The following CEACAM20 variants were observed in gnomAD, a reference collection of about 807,000 sequenced individuals.
The protein encoded by CEACAM20 is cell adhesion molecule CEACAM20.
CEACAM20 carries 50 observed loss-of-function variants against 61.2 expected under a neutral mutation model. The observed-to-expected ratio is 0.82, with a 90% CI of 0.65 to 1.03. The LOEUF is 1.03. CEACAM20 is among the 50% of genes least tolerant of loss of function. The pLI is 0.00. For synonymous variants in CEACAM20, 282 were observed against 287.7 expected (o/e 0.98, Z 0.20); for missense variants, 683 against 736.4 (o/e 0.93, Z 0.84).
At chr19:44,507,316 A>C (rs2123539421) in intron 11 of CEACAM20, among the ~76,000 whole-genome samples, 1 of 152,340 alleles carries the variant, frequency 6.6e-6, no homozygotes, top group African/African-American at 2.4e-5. Context: ...TAGGTGGCTA[A>C]GTTTTTACCA....
intron 5 of CEACAM20, among the ~76,000 whole-genome samples, chr19:44,518,235 A>AGAGG (rs1491371525): frequency 3.8e-5 from 2 of 52,648 alleles, no homozygotes; most frequent in South Asian, 6.6e-4. Flanking sequence ...AGAGAGAGAG[A>AGAGG]AAGGAAGGAA....
intron 11 of CEACAM20, among the ~76,000 whole-genome samples, chr19:44,509,934 C>A (rs139585939): frequency 6.6e-6 from 1 of 151,172 alleles, no homozygotes; most frequent in Non-Finnish European, 1.5e-5. Context: ...GGAAATAGAA[C>A]GGATGAAATG....
chr19:44,525,123 G>A lies in CEACAM20; in HGVS notation c.174C>T (p.Pro58=). ...TACCTCTGGATCTGCCATGAATCTGGGGTGTCCTGGGGGTCCCAAACACAG... is the reference window on the plus strand; with the variant it reads ...TACCTCTGGATCTGCCATGAATCTGAGGTGTCCTGGGGGTCCCAAACACAG... ...VLPVFGTPRT[P]QIHGRSRELA... is the part of the protein sequence containing the mutation. Residue 58 remains proline, a synonymous_variant, in exon 2 of 12, where the codon CCC becomes CCT. Transcript: ENST00000614924. 2 of 1,610,606 alleles carry A rather than the reference G, an allele frequency of 1.2e-6. No homozygotes were observed.
intron 4 of CEACAM20, among the ~76,000 whole-genome samples, chr19:44,522,109 ATTT>A (rs796257978): frequency 7.0e-6 from 1 of 142,206 alleles, no homozygotes; most frequent in African/African-American, 2.6e-5. Context: ...GGCTCTTAAG[ATTT>A]TTTTTTTTTT....
chr19:44,519,051 GGCCATC>G (rs756017418), intron 5 of CEACAM20, among the ~76,000 whole-genome samples: 4 of 151,960 alleles, frequency 2.6e-5, no homozygotes, highest in Non-Finnish European at 4.4e-5. Context: ...CTTGCCTCAA[GGCCATC>G]GCACACTCTC....
Position 44,524,131 on chromosome 19 carries a change from C to T in CEACAM20, c.327G>A (p.Val109=). ...TGGACAGCTGCATGCGCTCATGGAA[C>T]ACAATGGAGAGGTTGTTGGAAACCC... ...IHWVSNNLSI[V]FHERMQLSKD... is the part of the protein sequence containing the mutation. Residue 109 remains valine (V), a synonymous_variant, in exon 3 of 12, where the codon GTG becomes GTA. Transcript: ENST00000614924. 6.2e-7 allele frequency: 1 copy of T among 1,612,814 alleles called. No homozygotes were observed. The highest frequency in any genetic ancestry group is 8.5e-7 in the Non-Finnish European group (1 of 1,179,416).
At chr19:44,523,959 G>T (rs1971445703) in intron 3 of CEACAM20, 27 bp downstream of exon 3, 2 of 1,537,514 alleles carry the variant, frequency 1.3e-6, no homozygotes, top group African/African-American at 2.7e-5. Flanking sequence ...GTCAGTGAGG[G>T]GTTGGAGAGA....
In CEACAM20 at chr19:44,516,976, G is replaced by A. The variant is rs61734161; in HGVS notation, c.1279C>T (p.Arg427Cys). 2.5e-4 allele frequency: 398 copies of A among 1,599,348 alleles called. 1 individual carries two copies. In the African/African-American group the frequency reaches 4.1e-3, roughly 16 times the overall value. ...ACCTTGACCAGGACTGAAGTGGAGC[G>A]GGCCAGGCCAGTGAGAGAGTTGGAG... ...TASNSLTGLA[R>C]STSVLVKVVG... The change falls in exon 6 of 12, where the codon CGC (arginine) becomes TGC (cysteine). Residue 427 changes from arginine (R) to cysteine (C), a missense_variant. By Grantham distance (180) the Arg-to-Cys change is radical (BLOSUM62 -3). Coordinates refer to ENST00000614924, the MANE Select transcript of CEACAM20 (RefSeq NM_001102597.3).
At position 44,517,131 on chromosome 19, in the gene CEACAM20, C is replaced by T; in HGVS notation, c.1124G>A (p.Cys375Tyr). The T allele has an allele frequency of 6.2e-7, 1 of 1,613,710 alleles. No homozygotes were observed. Among genetic ancestry groups the T allele is most frequent in the South Asian group, 1.1e-5 (1 of 91,022 alleles). Residue 375 changes from cysteine (C) to tyrosine (Y), a missense_variant, in exon 6 of 12, where the codon TGT becomes TAT. Transcript: ENST00000614924. ...AGCACCTGGCTTGGACTCGGCCCAA[C>T]ACTGCAGGGTCAGGCTGGAGTTGAG... ...AELNSSLTLQ[C>Y]WAESKPGAEY...
intron 5 of CEACAM20, 134 bp from the exon 6 acceptor site, chr19:44,517,358 A>G: frequency 8.7e-7 from 1 of 1,143,120 alleles, no homozygotes; most frequent in Non-Finnish European, 1.2e-6. Context: ...GCTCTCTGAC[A>G]AGCAGAGTGT....
rs777491722 is a variant in CEACAM20, at chr19:44,517,168, T to C, written c.1087A>G (p.Ile363Val). The change falls in exon 6 of 12, where the codon ATA becomes GTA. Residue 363 changes from isoleucine (I) to valine (V), a missense_variant. Physicochemically the swap from Ile to Val is conservative, Grantham distance 29 (BLOSUM62 3). Coordinates refer to ENST00000614924, the MANE Select transcript of CEACAM20 (RefSeq NM_001102597.3). ...AGGCTGGAGTTGAGCTCTGCCTCTATGGTGCTGATCATCTCAGATGCCGAC... is the reference window on the plus strand; with the variant it reads ...AGGCTGGAGTTGAGCTCTGCCTCTACGGTGCTGATCATCTCAGATGCCGAC... ...RESASEMIST[I>V]EAELNSSLTL... 1.9e-6 allele frequency: 3 copies of C among 1,612,902 alleles called. No homozygotes were observed. Among genetic ancestry groups the C allele is most frequent in the Non-Finnish European group, 2.5e-6 (3 of 1,179,872 alleles).
intron 5 of CEACAM20, 28 bp from the exon 6 acceptor site, chr19:44,517,252 C>A: frequency 6.3e-7 from 1 of 1,592,270 alleles, no homozygotes. Context: ...CGTGATGCAC[C>A]CTGGCCCCCA....
chr19:44,520,840 G>T, intron 4 of CEACAM20, 88 bp from the exon 5 acceptor site: 1 of 1,161,904 alleles, frequency 8.6e-7, no homozygotes, highest in Non-Finnish European at 1.2e-6. Context: ...TTCCAGGAGT[G>T]CGTGCGTGTG....
chr19:44,519,838 G>T (rs1971299950), intron 5 of CEACAM20, among the ~76,000 whole-genome samples: 2 of 152,126 alleles, frequency 1.3e-5, no homozygotes, highest in Non-Finnish European at 2.9e-5. Flanking sequence ...CCTTCCACAG[G>T]CTGCACCCTG....
intron 5 of CEACAM20, 72 bp from the exon 6 acceptor site, chr19:44,517,296 T>G: frequency 6.4e-7 from 1 of 1,551,356 alleles, no homozygotes. Context: ...CCATTCACTT[T>G]CACCTTGGAA....
In CEACAM20 at chr19:44,518,167, G is replaced by C. The variant is rs1316516957; in HGVS notation, c.1031-943C>G. The stretch of plus-strand genomic sequence containing the variant: ...GGAAGGAAGGAAGGAAGGAAGGAAG[G>C]AAGAAAGCAGGCAGGCAGGCAGGCA... On this transcript the variant is annotated intron_variant, in intron 5 of 11. Coordinates refer to ENST00000614924, the MANE Select transcript of CEACAM20 (RefSeq NM_001102597.3). Among the ~76,000 whole-genome samples, 30 of 48,636 alleles carry C rather than the reference G, an allele frequency of 6.2e-4. 3 individuals are homozygous for C. Among genetic ancestry groups the C allele is most frequent in the Non-Finnish European group, 8.2e-4 (21 of 25,482 alleles). The allele number at this position is 48,636 out of a possible 152,430, so 31.9% of individuals were successfully genotyped here.
chr19:44,524,004 T>C lies in CEACAM20; in HGVS notation c.454A>G (p.Ile152Val). 1 of 1,552,212 alleles carries C rather than the reference T, an allele frequency of 6.4e-7. No individual in the cohort carries two copies. Among genetic ancestry groups the C allele is most frequent in the Non-Finnish European group, 8.7e-7 (1 of 1,147,064 alleles). Residue 152 changes from isoleucine (I) to valine (V), a missense_variant, in exon 3 of 12, where the codon ATC becomes GTC. Transcript: ENST00000614924. Reference protein sequence around the residue: ...DALLSQRSDPIFLDVKYGPDP... With the variant: ...DALLSQRSDPVFLDVKYGPDP... ...GACTCACACTTCACATCCAGGAAGA[T>C]GGGGTCGCTCCTCTGGCTCAGAAGG...
Position 44,525,131 on chromosome 19 carries a change from T to C in CEACAM20, c.166A>G (p.Arg56Gly), listed in dbSNP as rs191854996. The change falls in exon 2 of 12, where the codon AGG becomes GGG. Residue 56 changes from arginine to glycine, a missense_variant. Arg to Gly is a moderately radical substitution (Grantham distance 125, BLOSUM62 -2). Transcript: ENST00000614924. ...GATCTGCCATGAATCTGGGGTGTCC[T>C]GGGGGTCCCAAACACAGGCAGAACA... is the stretch of plus-strand genomic sequence containing the variant. ...DVVLPVFGTP[R>G]TPQIHGRSRE... is the part of the protein sequence containing the mutation. 307 of 1,611,046 alleles carry C rather than the reference T, an allele frequency of 1.9e-4. No homozygotes were observed. In the African/African-American group the frequency reaches 3.7e-3, roughly 20 times the overall value.
chr19:44,520,781 G>C (rs767816836), intron 4 of CEACAM20, 29 bp from the exon 5 acceptor site: 1 of 1,595,844 alleles, frequency 6.3e-7, no homozygotes, highest in Non-Finnish European at 8.5e-7. Context: ...ACACAGTCAG[G>C]TTCAGGGAGA....
Sources: gnomAD v4.1 joint callset for allele counts (sites outside exome capture counted in the v4.1 genomes callset) on GRCh38, gnomAD v4.1.1 for gene constraint, MANE v1.5 for transcripts, NCBI Gene and HGNC (gene_info 2026-07-23, HGNC 2026-07-21) for gene names.